DENND1A: variants seen among roughly 807,000 people sequenced by gnomAD.
DENND1A encodes DENN domain-containing protein 1A.
A neutral mutation model predicts 113.7 loss-of-function variants in DENND1A; 51 were observed. That is an observed-to-expected ratio of 0.45 (90% CI 0.36 to 0.57). DENND1A has a LOEUF of 0.57. Among genes scored for constraint, DENND1A ranks in the 20% least tolerant of loss-of-function variants. The pLI is 0.00. For synonymous variants in DENND1A, 565 were observed against 570.8 expected (o/e 0.99, Z 0.14); for missense variants, 1,258 against 1,395.9 (o/e 0.90, Z 1.57).
chr9:123,829,353 C>T lies in DENND1A; in HGVS notation c.89-36723G>A, dbSNP rs536085938. On this transcript the variant is annotated intron_variant, in intron 2 of 23. Coordinates refer to ENST00000394215, the MANE Select transcript of DENND1A (RefSeq NM_001352964.2). ...TGAAATAATACACAAATCAGAATTA[C>T]AAAAATGTAAAAATGAGGTGATGAA... is the stretch of plus-strand genomic sequence containing the variant. Among the ~76,000 whole-genome samples, 33 of 151,568 alleles carry T rather than the reference C, an allele frequency of 2.2e-4. No individual in the cohort carries two copies. The South Asian group carries it at 6.2e-3, about 29-fold the overall frequency.
At chr9:123,917,179 G>A (rs1855310659) in intron 1 of DENND1A, among the ~76,000 whole-genome samples, 1 of 151,596 alleles carries the variant, frequency 6.6e-6, no homozygotes, top group African/African-American at 2.4e-5. Context: ...GCAAGACCCT[G>A]TCTCAAAAAA....
chr9:123,464,327 A>T (rs2048764023), intron 13 of DENND1A, among the ~76,000 whole-genome samples: 1 of 152,250 alleles, frequency 6.6e-6, no homozygotes, highest in African/African-American at 2.4e-5. Flanking sequence ...AAAAGATGGA[A>T]GCAACCCAAG....
At chr9:123,513,602 C>G (rs1252288066) in intron 13 of DENND1A, among the ~76,000 whole-genome samples, 1 of 152,238 alleles carries the variant, frequency 6.6e-6, no homozygotes, top group African/African-American at 2.4e-5. Flanking sequence ...CTTCCTTTCA[C>G]TGCTGGAAGC....
chr9:123,391,761 G>GAAAAAAAAAAAAAAA (rs5900572), intron 21 of DENND1A, among the ~76,000 whole-genome samples: 5 of 110,398 alleles, frequency 4.5e-5, no homozygotes, highest in Non-Finnish European at 5.3e-5. Flanking sequence ...GGCAGAATAT[G>GAAAAAAAAAAAAAAA]AAAAAAAAAA....
intron 2 of DENND1A, among the ~76,000 whole-genome samples, chr9:123,869,957 A>C (rs995131683): frequency 4.0e-5 from 6 of 150,950 alleles, no homozygotes; most frequent in Non-Finnish European, 7.4e-5. Flanking sequence ...ACGCCATTGA[A>C]ACTGTTATGT....
chr9:123,775,087 T>TA (rs1470858626), intron 3 of DENND1A, among the ~76,000 whole-genome samples: 1 of 152,202 alleles, frequency 6.6e-6, no homozygotes, highest in Non-Finnish European at 1.5e-5. Flanking sequence ...TGATATTATA[T>TA]AACATCCTCT....
At chr9:123,843,178 C>T (rs543683501) in intron 2 of DENND1A, 13 of 550,834 alleles carry the variant, frequency 2.4e-5, no homozygotes, top group Admixed American at 2.3e-4. Context: ...TGCATATGTT[C>T]TGGTTTTGTA....
intron 5 of DENND1A, among the ~76,000 whole-genome samples, chr9:123,738,896 A>G (rs2078859490): frequency 6.6e-6 from 1 of 152,196 alleles, no homozygotes; most frequent in African/African-American, 2.4e-5. Context: ...ACTATGGAAA[A>G]GAATTGGGAT....
chr9:123,866,263 C>CTCTTTCTCACAAGTT (rs1473944197), intron 2 of DENND1A, among the ~76,000 whole-genome samples: 1 of 152,204 alleles, frequency 6.6e-6, no homozygotes, highest in Non-Finnish European at 1.5e-5. Context: ...CAGCATCTGG[C>CTCTTTCTCACAAGTT]TCTTTCTCAC....
At chr9:123,484,156 T>C (rs1208290897) in intron 13 of DENND1A, among the ~76,000 whole-genome samples, 2 of 152,198 alleles carry the variant, frequency 1.3e-5, no homozygotes, top group Non-Finnish European at 2.9e-5. Flanking sequence ...GGTGGGAAAC[T>C]CTTGTCTTTC....
At chr9:123,494,038 G>C (rs1413070867) in intron 13 of DENND1A, among the ~76,000 whole-genome samples, 2 of 152,150 alleles carry the variant, frequency 1.3e-5, no homozygotes, top group East Asian at 3.8e-4. Flanking sequence ...AGTAGCCAGA[G>C]GCCCCCCACA....
At chr9:123,809,882 G>A (rs1163381308) in intron 2 of DENND1A, among the ~76,000 whole-genome samples, 1 of 152,078 alleles carries the variant, frequency 6.6e-6, no homozygotes, top group Non-Finnish European at 1.5e-5. Context: ...CGTCGGCCAG[G>A]CTGGTCTCGA....
At position 123,765,134 on chromosome 9, in the gene DENND1A, T is replaced by A. The variant is rs574545787; in HGVS notation, c.182+4380A>T. Among the ~76,000 whole-genome samples, 6 of 152,282 alleles carry A rather than the reference T, an allele frequency of 3.9e-5. No homozygotes were observed. The East Asian group carries it at 1.2e-3, about 29-fold the overall frequency. Reference sequence around the variant, plus strand: ...GTTTCCTACTTCTCTACAATAAATATATATTGCTTTATTGCTTTTGAAATA... The same window carrying A: ...GTTTCCTACTTCTCTACAATAAATAAATATTGCTTTATTGCTTTTGAAATA... On this transcript the variant is annotated intron_variant, in intron 4 of 23. Coordinates refer to ENST00000394215, the MANE Select transcript of DENND1A (RefSeq NM_001352964.2).
At chr9:123,881,430 C>T (rs1848301309) in intron 1 of DENND1A, among the ~76,000 whole-genome samples, 1 of 152,164 alleles carries the variant, frequency 6.6e-6, no homozygotes, top group Non-Finnish European at 1.5e-5. Context: ...GGAAGATTCT[C>T]TCTGAAACCT....
At chr9:123,809,693 T>C (rs1836210214) in intron 2 of DENND1A, among the ~76,000 whole-genome samples, 1 of 152,212 alleles carries the variant, frequency 6.6e-6, no homozygotes, top group Non-Finnish European at 1.5e-5. Context: ...ATTCTATTTA[T>C]GCCTTCTTGC....
intron 13 of DENND1A, among the ~76,000 whole-genome samples, chr9:123,517,685 A>C (rs1343135176): frequency 6.6e-6 from 1 of 152,182 alleles, no homozygotes; most frequent in Non-Finnish European, 1.5e-5. Flanking sequence ...ACAGTTAAAT[A>C]AACTGTGGCA....
intron 2 of DENND1A, among the ~76,000 whole-genome samples, chr9:123,849,696 A>AT (rs371023658): frequency 2.6e-5 from 4 of 152,324 alleles, no homozygotes; most frequent in African/African-American, 9.6e-5. Flanking sequence ...TATTCCTCTG[A>AT]TGGGTTTGGG....
chr9:123,818,679 A>AT (rs550909005), intron 2 of DENND1A, among the ~76,000 whole-genome samples: 12 of 151,240 alleles, frequency 7.9e-5, no homozygotes, highest in African/African-American at 2.7e-4. Flanking sequence ...AATTTCATAT[A>AT]TTTTTAATAA....
chr9:123,628,987 T>C (rs114477272), intron 10 of DENND1A, among the ~76,000 whole-genome samples: 5 of 152,360 alleles, frequency 3.3e-5, no homozygotes, highest in African/African-American at 1.2e-4. Context: ...TTTCACATGA[T>C]GTCCCTGAGT....
Sources: gnomAD v4.1 joint callset for allele counts (sites outside exome capture counted in the v4.1 genomes callset) on GRCh38, gnomAD v4.1.1 for gene constraint, MANE v1.5 for transcripts, NCBI Gene and HGNC (gene_info 2026-07-23, HGNC 2026-07-21) for gene names.